CCDC178: variants seen among roughly 807,000 people sequenced by gnomAD.
CCDC178 encodes the protein coiled-coil domain containing 178, also known as coiled-coil domain-containing protein 178.
Under a neutral mutation model 117.4 loss-of-function variants are expected in CCDC178, and 126 were observed. That is an observed-to-expected ratio of 1.07 (90% CI 0.93 to 1.24). CCDC178 has a LOEUF of 1.24. Among genes scored for constraint, CCDC178 ranks in the 50% most tolerant of loss-of-function variants. The probability of loss-of-function intolerance (pLI) is 0.00; values close to 1 mark genes in which losing one functional copy is unlikely to be tolerated. For missense variants in CCDC178, 1,030 were observed against 986.9 expected (o/e 1.04, Z -0.59); for synonymous variants, 283 against 313.4 (o/e 0.90, Z 1.02).
In CCDC178 at chr18:33,346,266, T is replaced by A; in HGVS notation, c.603A>T (p.Lys201Asn). 1 of 1,614,012 alleles carries A rather than the reference T, an allele frequency of 6.2e-7. No homozygotes were observed. Among genetic ancestry groups the A allele is most frequent in the East Asian group, 2.2e-5 (1 of 44,856 alleles). The change falls in exon 9 of 23, where the codon AAA becomes AAT. Residue 201 changes from lysine (K) to asparagine (N), a missense_variant. Transcript: ENST00000383096. ...GTTTCCAGACTGACCAAGAGTCAAT[T>A]TTCATGTTAATCATATTCTTTCTTG... ...QRSRKNMINM[K>N]IDSWSVWKLQ...
rs536800783 is a variant in CCDC178 at position 33,316,250 on chromosome 18, G to C, written c.1022+7241C>G. Among the ~76,000 whole-genome samples the C allele has an allele frequency of 9.2e-5, 14 of 152,298 alleles. No homozygotes were observed. The East Asian group carries it at 2.7e-3, about 29-fold the overall frequency. The stretch of plus-strand genomic sequence containing the variant: ...GAGGGAGAGGCGCCGGCGGGAACCG[G>C]GGCTGCGCGCGGTGCTTGCGGGATA... On this transcript the variant is annotated intron_variant, in intron 11 of 22. Coordinates refer to ENST00000383096, the MANE Select transcript of CCDC178 (RefSeq NM_001105528.4).
chr18:33,242,555 C>T (rs1304937082), intron 15 of CCDC178, among the ~76,000 whole-genome samples: 1 of 150,482 alleles, frequency 6.6e-6, no homozygotes, highest in Non-Finnish European at 1.5e-5. Flanking sequence ...AACATCTCAA[C>T]AGCAAAAAAA....
At chr18:33,380,751 G>A (rs1292057326) in intron 5 of CCDC178, among the ~76,000 whole-genome samples, 1 of 152,148 alleles carries the variant, frequency 6.6e-6, no homozygotes, top group East Asian at 1.9e-4. Flanking sequence ...TTGAATTAAC[G>A]CTCAGAGAGT....
intron 5 of CCDC178, among the ~76,000 whole-genome samples, chr18:33,384,179 A>G (rs2063469507): frequency 6.6e-6 from 1 of 152,128 alleles, no homozygotes; most frequent in South Asian, 2.1e-4. Flanking sequence ...GAATGAAATA[A>G]AACAAACAAA....
In CCDC178 at chr18:33,040,495, A is replaced by T. The variant is rs117895951; in HGVS notation, c.2388+52266T>A. 7.9e-3 allele frequency among the ~76,000 whole-genome samples: 1,205 copies of T among 152,078 alleles called. 10 individuals are homozygous for T. Among genetic ancestry groups the T allele is most frequent in the Non-Finnish European group, 9.6e-3 (651 of 67,906 alleles). On this transcript the variant is annotated intron_variant, in intron 21 of 22. Transcript: ENST00000383096. ...ACTTTTCCAATACAAAAGACCAGAA[A>T]CTACATAATGAAAAGTTGCCCTGTA...
chr18:32,963,693 C>T (rs536045136), intron 22 of CCDC178, among the ~76,000 whole-genome samples: 7 of 152,098 alleles, frequency 4.6e-5, no homozygotes, highest in African/African-American at 7.2e-5. Context: ...CTTCAGAGAA[C>T]GGCCTTCCAT....
intron 12 of CCDC178, among the ~76,000 whole-genome samples, chr18:33,270,700 C>A (rs1221217332): frequency 2.0e-5 from 3 of 151,386 alleles, no homozygotes; most frequent in Non-Finnish European, 4.4e-5. Flanking sequence ...TTGGGATAAA[C>A]CTGTTCTATA....
At chr18:33,247,075 C>CGT (rs150159104) in intron 14 of CCDC178, among the ~76,000 whole-genome samples, 119,849 of 147,638 alleles carry the variant, frequency 0.81, 49,249 homozygotes, top group South Asian at 0.89. Flanking sequence ...AAGTGTGTTA[C>CGT]GTGTGTGTGT....
chr18:33,209,501 T>C (rs2059082749), intron 20 of CCDC178, among the ~76,000 whole-genome samples: 1 of 152,072 alleles, frequency 6.6e-6, no homozygotes, highest in South Asian at 2.1e-4. Context: ...ACATTTATAA[T>C]GATGCCTTTA....
chr18:33,323,669 TAATGGTTAATTAAAAATAATA>T (rs2062547631), intron 10 of CCDC178, 36 bp from the exon 11 acceptor site: 1 of 1,273,750 alleles, frequency 7.9e-7, no homozygotes, highest in African/African-American at 1.5e-5. Flanking sequence ...TATTTGCACT[TAATGGTTAATTAAAAATAATA>T]ACTTCAACTT....
chr18:33,014,609 GAC>G (rs2055940456), intron 21 of CCDC178, among the ~76,000 whole-genome samples: 1 of 152,136 alleles, frequency 6.6e-6, no homozygotes, highest in Non-Finnish European at 1.5e-5. Context: ...TAAAGGAAAA[GAC>G]ATAATTATAA....
chr18:33,086,437 C>T (rs1270942698), intron 21 of CCDC178, among the ~76,000 whole-genome samples: 1 of 150,548 alleles, frequency 6.6e-6, no homozygotes, highest in African/African-American at 2.4e-5. Flanking sequence ...CACACACACA[C>T]ACACACACAT....
At chr18:33,189,772 C>G (rs543178236) in intron 20 of CCDC178, among the ~76,000 whole-genome samples, 61 of 152,284 alleles carry the variant, frequency 4.0e-4, no homozygotes, top group African/African-American at 1.4e-3. Flanking sequence ...TTATTATCAA[C>G]TCGGTTTAGT....
At chr18:33,032,041 C>A (rs1421810238) in intron 21 of CCDC178, among the ~76,000 whole-genome samples, 1 of 151,966 alleles carries the variant, frequency 6.6e-6, no homozygotes, top group African/African-American at 2.4e-5. Context: ...CACAAACAGG[C>A]AAAAATAACC....
chr18:33,261,081 CTGTT>C (rs10687374), intron 14 of CCDC178, among the ~76,000 whole-genome samples: 17 of 149,442 alleles, frequency 1.1e-4, no homozygotes, highest in South Asian at 6.3e-4. Context: ...TTTTTTTTTT[CTGTT>C]TGTTTGTTTG....
chr18:33,306,458 T>TTA (rs372306745), intron 11 of CCDC178, among the ~76,000 whole-genome samples: 32 of 113,120 alleles, frequency 2.8e-4, no homozygotes, highest in Admixed American at 1.0e-3. Context: ...GTACATATGG[T>TTA]TATATATATA....
intron 10 of CCDC178, among the ~76,000 whole-genome samples, chr18:33,328,664 C>G (rs1039954367): frequency 6.6e-6 from 1 of 152,050 alleles, no homozygotes; most frequent in Non-Finnish European, 1.5e-5. Context: ...CTTTATTTAT[C>G]TATTTCTTTA....
At chr18:33,395,152 T>C (rs1288212653) in intron 4 of CCDC178, among the ~76,000 whole-genome samples, 3 of 150,940 alleles carry the variant, frequency 2.0e-5, no homozygotes, top group Non-Finnish European at 3.0e-5. Flanking sequence ...TTGTAAGTTT[T>C]AGAAAATAAA....
intron 18 of CCDC178, among the ~76,000 whole-genome samples, chr18:33,222,231 TCTTC>T (rs979728883): frequency 1.4e-4 from 21 of 150,190 alleles, no homozygotes; most frequent in Non-Finnish European, 2.7e-4. Flanking sequence ...TCCCTTCCTT[TCTTC>T]CTTCCTTCCC....
Sources: allele counts gnomAD v4.1 joint callset (sites outside exome capture counted in the v4.1 genomes callset), GRCh38; gene constraint gnomAD v4.1.1; transcripts MANE v1.5; gene names NCBI Gene and HGNC (gene_info 2026-07-23, HGNC 2026-07-21).